COL11A1: variants seen among roughly 807,000 people sequenced by gnomAD.
The protein encoded by COL11A1 is collagen alpha-1(XI) chain.
In COL11A1, 74 loss-of-function variants were observed where a neutral mutation model predicts 265.2. The ratio of observed to expected loss-of-function variants is 0.28; its 90% CI spans 0.23 to 0.34. COL11A1 has a LOEUF of 0.34. COL11A1 is among the 10% of genes least tolerant of loss of function. The pLI is 1.00. For missense variants in COL11A1, 2,165 were observed against 2,263.6 expected, an observed-to-expected ratio of 0.96 and a Z score of 0.88; for synonymous variants, 816 against 727.6, an observed-to-expected ratio of 1.12 and a Z score of -1.96.
chr1:102,880,153 CT>C (rs1369203634), intron 65 of COL11A1: 2 of 483,156 alleles, frequency 4.1e-6, no homozygotes, highest in African/African-American at 3.9e-5. Context: ...GAAAAAACCA[CT>C]TTATCTCTAA....
At chr1:102,881,904 A>C (rs1650293143) in intron 64 of COL11A1, 139 bp from the exon 65 acceptor site, 2 of 682,938 alleles carry the variant, frequency 2.9e-6, no homozygotes, top group Admixed American at 4.9e-5. Context: ...GACACAAATT[A>C]GATTATACAA....
chr1:102,982,438 G>GGA (rs1169547348), intron 31 of COL11A1, among the ~76,000 whole-genome samples: 3 of 151,940 alleles, frequency 2.0e-5, no homozygotes, highest in African/African-American at 7.2e-5. Context: ...GTGATGTAAG[G>GGA]ATAGCTTGAG....
At chr1:103,001,864 G>T in intron 24 of COL11A1, 61 bp downstream of exon 24, 1 of 1,490,382 alleles carries the variant, frequency 6.7e-7, no homozygotes, top group Non-Finnish European at 9.4e-7. Flanking sequence ...CCTTATACCT[G>T]CCTAAGATTG....
At chr1:103,050,143 GC>G (rs1309539233) in intron 4 of COL11A1, among the ~76,000 whole-genome samples, 1 of 152,080 alleles carries the variant, frequency 6.6e-6, no homozygotes, top group East Asian at 1.9e-4. Context: ...TTGAATGTTG[GC>G]CCTGCCTTGC....
chr1:103,078,827 GT>G lies in COL11A1; in HGVS notation c.318del (p.Lys106AsnfsTer62). 6.2e-7 allele frequency: 1 copy of G among 1,611,656 alleles called. No individual in the cohort carries two copies. Among genetic ancestry groups the G allele is most frequent in the Non-Finnish European group, 8.5e-7 (1 of 1,178,518 alleles). On this transcript the variant is annotated frameshift_variant, in exon 3 of 67. Transcript: ENST00000370096. LOFTEE classifies it high-confidence loss of function. ...AGGAAAGACTGAATTCCTTTTTTTG[GT>G]TTTACTGTAAATAGTATTGAAAAGT... ...PEDFSILFTV[K>X]PKKGIQSFLL... is the part of the protein sequence containing the mutation.
chr1:102,942,788 AATG>A (rs1274483969), intron 42 of COL11A1, among the ~76,000 whole-genome samples: 1 of 152,092 alleles, frequency 6.6e-6, no homozygotes, highest in African/African-American at 2.4e-5. Flanking sequence ...CACTGATGGT[AATG>A]ATAATACTAC....
At position 102,894,748 on chromosome 1, in the gene COL11A1, AG is replaced by A. The variant is rs547988810; in HGVS notation, c.4302+3376del. On this transcript the variant is annotated intron_variant, in intron 57 of 66. Coordinates refer to ENST00000370096, the MANE Select transcript of COL11A1 (RefSeq NM_001854.4). Reference sequence around the variant, plus strand: ...TTTATATAGGCTGATCATCATCCTTAGCTTTTGATTAGCTTCCATATGTGCT... The same window carrying A: ...TTTATATAGGCTGATCATCATCCTTACTTTTGATTAGCTTCCATATGTGCT... 2.4e-3 allele frequency among the ~76,000 whole-genome samples: 368 copies of A among 152,230 alleles called. 2 individuals are homozygous for A. Among genetic ancestry groups the A allele is most frequent in the African/African-American group, 8.4e-3 (348 of 41,550 alleles).
In COL11A1 at chr1:102,970,220, G is replaced by A. The variant is rs1347856166; in HGVS notation, c.2861C>T (p.Thr954Ile). The A allele has an allele frequency of 1.2e-6, 2 of 1,612,240 alleles. No individual in the cohort carries two copies. The highest frequency in any genetic ancestry group is 2.2e-5 in the East Asian group (1 of 44,770). The change falls in exon 37 of 67, where the codon ACT becomes ATT. Residue 954 changes from threonine (T) to isoleucine (I), a missense_variant and splice_region_variant. Thr to Ile is a moderately conservative substitution (Grantham distance 89). Transcript: ENST00000370096. ...AATAAGAGTAACAAGGTCACTTACAGTCTCCCCACGTTGCCCAGGGTGTCC... is the reference window on the plus strand; with the variant it reads ...AATAAGAGTAACAAGGTCACTTACAATCTCCCCACGTTGCCCAGGGTGTCC... Reference protein sequence around the residue: ...LPGHPGQRGETGFQGKTGPPG... With the variant: ...LPGHPGQRGEIGFQGKTGPPG...
rs1032396461 is a variant in COL11A1 at position 103,035,826 on chromosome 1, T to C, written c.652-4582A>G. On this transcript the variant is annotated intron_variant, in intron 4 of 66. Transcript: ENST00000370096. ...TAATAAAATTAGTTTCTGAGTTTTT[T>C]TGTAAATTATTTTTAAGTAGGAGCA... Among the ~76,000 whole-genome samples, 10 of 151,980 alleles carry C rather than the reference T, an allele frequency of 6.6e-5. No individual in the cohort carries two copies. In the South Asian group the frequency reaches 1.7e-3, roughly 25 times the overall value.
chr1:102,974,242 A>G (rs553323482), intron 36 of COL11A1, among the ~76,000 whole-genome samples: 86 of 152,356 alleles, frequency 5.6e-4, no homozygotes, highest in Non-Finnish European at 1.1e-3. Flanking sequence ...ATATTTAAAT[A>G]TGAAAACAAA....
chr1:102,938,255 G>A (rs188941957), intron 44 of COL11A1, among the ~76,000 whole-genome samples: 54 of 151,836 alleles, frequency 3.6e-4, no homozygotes, highest in African/African-American at 1.2e-3. Context: ...TGGTCTGTTA[G>A]AATGAAATTG....
At chr1:102,898,357 T>C (rs1652713975) in intron 56 of COL11A1, among the ~76,000 whole-genome samples, 179 bp from the exon 57 acceptor site, 1 of 151,822 alleles carries the variant, frequency 6.6e-6, no homozygotes, top group Non-Finnish European at 1.5e-5. Flanking sequence ...TGTGTATATG[T>C]CTATATTCAA....
At chr1:102,894,219 A>G (rs1652107887) in intron 57 of COL11A1, among the ~76,000 whole-genome samples, 1 of 152,170 alleles carries the variant, frequency 6.6e-6, no homozygotes, top group African/African-American at 2.4e-5. Context: ...TAGAATTTAG[A>G]CATCTTCATT....
intron 31 of COL11A1, among the ~76,000 whole-genome samples, chr1:102,981,201 G>C (rs189307747): frequency 1.3e-5 from 2 of 152,018 alleles, no homozygotes. Context: ...TGATCAACCT[G>C]AGAACAATTA....
chr1:103,099,852 T>C (rs1304656285), intron 1 of COL11A1, among the ~76,000 whole-genome samples: 3 of 151,810 alleles, frequency 2.0e-5, no homozygotes. Context: ...TTTTAGCAAA[T>C]GAATTTAAAA....
intron 14 of COL11A1, among the ~76,000 whole-genome samples, chr1:103,010,394 C>G (rs749924541): frequency 6.6e-6 from 1 of 151,994 alleles, no homozygotes; most frequent in African/African-American, 2.4e-5. Context: ...TACCTACCTT[C>G]AATAATTAAG....
intron 1 of COL11A1, among the ~76,000 whole-genome samples, chr1:103,099,055 T>G (rs970491140): frequency 1.3e-5 from 2 of 151,802 alleles, no homozygotes; most frequent in African/African-American, 4.8e-5. Context: ...AACAACGCCC[T>G]CACTTCATTC....
At chr1:102,902,916 C>G (rs908913535) in intron 54 of COL11A1, among the ~76,000 whole-genome samples, 1 of 151,252 alleles carries the variant, frequency 6.6e-6, no homozygotes, top group African/African-American at 2.4e-5. Context: ...TGTGTGTGTG[C>G]ATAATAAGTT....
intron 4 of COL11A1, among the ~76,000 whole-genome samples, chr1:103,044,478 A>C (rs1486739367): frequency 1.3e-5 from 2 of 152,122 alleles, no homozygotes; most frequent in African/African-American, 4.8e-5. Flanking sequence ...CAAGTACTAC[A>C]GAAAATGCCA....
Sources: allele counts gnomAD v4.1 joint callset (sites outside exome capture counted in the v4.1 genomes callset), GRCh38; gene constraint gnomAD v4.1.1; transcripts MANE v1.5; gene names NCBI Gene and HGNC (gene_info 2026-07-23, HGNC 2026-07-21).